SYTL5: variants seen among roughly 807,000 people sequenced by gnomAD.
SYTL5 encodes the protein synaptotagmin-like protein 5.
SYTL5 carries 34 observed loss-of-function variants against 55.9 expected under a neutral mutation model. The observed-to-expected ratio is 0.61, with a 90% CI of 0.46 to 0.81. SYTL5 has a LOEUF of 0.81. Ranked by LOEUF, SYTL5 falls within the 30% of genes least tolerant of loss-of-function variation. The pLI is 0.00. For missense variants in SYTL5, 637 were observed against 546.7 expected (o/e 1.17, Z -1.65); for synonymous variants, 221 against 188.7 (o/e 1.17, Z -1.40).
intron 9 of SYTL5, among the ~76,000 whole-genome samples, chrX:38,100,838 T>C (rs1228519333): frequency 2.7e-5 from 3 of 111,310 alleles, no homozygotes; most frequent in African/African-American, 9.8e-5. Flanking sequence ...ATATATACTG[T>C]GTTGTGTGTA....
the SYTL5 span, among the ~76,000 whole-genome samples, chrX:37,995,217 G>C: frequency 3.6e-5 from 4 of 111,319 alleles, no homozygotes; most frequent in East Asian, 1.1e-3. Context: ...CTGGGGCCTA[G>C]GGTGGAGCTG....
At chrX:37,950,006 A>G in the SYTL5 span, among the ~76,000 whole-genome samples, 1 of 111,585 alleles carries the variant, frequency 9.0e-6, no homozygotes, top group Non-Finnish European at 1.9e-5. Flanking sequence ...AATGTGAGTG[A>G]TTTGTATCCT....
At chrX:37,993,535 A>G in the SYTL5 span, among the ~76,000 whole-genome samples, 1 of 112,533 alleles carries the variant, frequency 8.9e-6, no homozygotes, top group African/African-American at 3.2e-5. Flanking sequence ...AACACCTATG[A>G]TATGGAAATG....
In SYTL5 at chrX:38,128,297, A is replaced by G. The variant is rs764452769; in HGVS notation, c.*1567A>G. On this transcript the variant is annotated 3_prime_UTR_variant, in exon 17 of 17. Transcript: ENST00000297875. ...CTTAGGCCAGTGTTCTTTTTTCAAT[A>G]TAGTCCTTGGCATAATGCTATGCTT... 9.0e-6 allele frequency: 1 copy of G among 111,649 alleles called. No homozygotes were observed. Among genetic ancestry groups the G allele is most frequent in the South Asian group, 3.8e-4 (1 of 2,637 alleles). 9.2% of individuals were successfully genotyped at this position (111,649 alleles called of 1,213,427 possible). A position where few individuals can be genotyped will look rare whatever the true frequency, so the allele number is the denominator to read the frequency against.
At position 38,127,806 on chromosome X, in the gene SYTL5, C is replaced by T. The variant is rs749744424; in HGVS notation, c.*1076C>T. The T allele has an allele frequency of 4.5e-5, 5 of 112,168 alleles. No individual in the cohort carries two copies. The highest frequency in any genetic ancestry group is 7.5e-5 in the Non-Finnish European group (4 of 53,219). 9.2% of individuals were successfully genotyped at this position (112,168 alleles called of 1,213,427 possible). A position where few individuals can be genotyped will look rare whatever the true frequency, so the allele number is the denominator to read the frequency against. On this transcript the variant is annotated 3_prime_UTR_variant, in exon 17 of 17. Transcript: ENST00000297875. ...GGCACCTCTGCTTCCTGCTATAGGC[C>T]TGAGGTTCTAGGGCTTCTTATGCCT...
the SYTL5 span, among the ~76,000 whole-genome samples, chrX:37,904,082 A>G: frequency 1.8e-5 from 2 of 111,223 alleles, no homozygotes; most frequent in African/African-American, 3.3e-5. Context: ...GAGTTGAATG[A>G]ATTAATGAAG....
chrX:37,922,365 G>A, the SYTL5 span, among the ~76,000 whole-genome samples: 6 of 111,562 alleles, frequency 5.4e-5, no homozygotes, highest in South Asian at 3.7e-4. Flanking sequence ...CCAAATATTC[G>A]GGAGAAAATC....
the SYTL5 span, among the ~76,000 whole-genome samples, chrX:37,991,745 A>G: frequency 3.6e-5 from 4 of 112,236 alleles, no homozygotes; most frequent in East Asian, 2.8e-4. Flanking sequence ...CATGAAGTTC[A>G]TGGGACAGGG....
chrX:38,024,166 A>G (rs1291974172), intron 1 of SYTL5, among the ~76,000 whole-genome samples: 1 of 110,493 alleles, frequency 9.1e-6, no homozygotes, highest in Non-Finnish European at 1.9e-5. Context: ...TAGCTCCCAC[A>G]ATCCCCACGT....
chrX:38,111,137 G>A (rs757518071), intron 13 of SYTL5, among the ~76,000 whole-genome samples: 12 of 111,871 alleles, frequency 1.1e-4, no homozygotes, highest in African/African-American at 3.9e-4. Flanking sequence ...GGTGAGTAAA[G>A]GTCACATTTA....
the SYTL5 span, among the ~76,000 whole-genome samples, chrX:37,925,027 C>G: frequency 9.1e-6 from 1 of 110,487 alleles, no homozygotes; most frequent in African/African-American, 3.3e-5. Flanking sequence ...TCCCCCTCCC[C>G]CTACCCTTCC....
At chrX:37,986,330 G>A in the SYTL5 span, among the ~76,000 whole-genome samples, 19,973 of 109,917 alleles carry the variant, frequency 0.18, 1,417 homozygotes, top group Middle Eastern at 0.29. Context: ...TGACTCTAAG[G>A]GGGTCCACAT....
the SYTL5 span, among the ~76,000 whole-genome samples, chrX:37,986,945 G>A: frequency 1.8e-5 from 2 of 111,291 alleles, no homozygotes; most frequent in East Asian, 2.8e-4. Context: ...GTATACATGC[G>A]CCATGTTGGT....
chrX:38,011,881 A>ATTT (rs56879270), intron 1 of SYTL5, among the ~76,000 whole-genome samples: 14 of 104,576 alleles, frequency 1.3e-4, no homozygotes, highest in South Asian at 8.3e-4. Flanking sequence ...GTTTAGTGGG[A>ATTT]TTTTTTTTTT....
At chrX:37,954,615 G>C in the SYTL5 span, among the ~76,000 whole-genome samples, 4 of 112,100 alleles carry the variant, frequency 3.6e-5, no homozygotes, top group Admixed American at 2.8e-4. Flanking sequence ...TTCAATTTCT[G>C]TTGTGATGAG....
chrX:37,939,814 T>C, the SYTL5 span: 1 of 111,219 alleles, frequency 9.0e-6, no homozygotes, highest in Non-Finnish European at 1.9e-5. Flanking sequence ...ATAAATTGGG[T>C]GTGTCTGCCC....
chrX:38,034,808 T>C (rs1206659423), intron 2 of SYTL5, among the ~76,000 whole-genome samples: 1 of 111,929 alleles, frequency 8.9e-6, no homozygotes, highest in Non-Finnish European at 1.9e-5. Flanking sequence ...GATTGGCTGC[T>C]GCCTGTACCG....
chrX:38,032,013 T>C (rs1934966906), intron 1 of SYTL5, among the ~76,000 whole-genome samples: 1 of 111,904 alleles, frequency 8.9e-6, no homozygotes, highest in African/African-American at 3.2e-5. Context: ...TGGTGTACAC[T>C]GTATAGAACA....
chrX:37,891,720 G>A, the SYTL5 span, among the ~76,000 whole-genome samples: 1 of 111,655 alleles, frequency 9.0e-6, no homozygotes, highest in Admixed American at 9.5e-5. Flanking sequence ...GATTTCATAT[G>A]AGTGTTTGTG....
Sources: allele counts gnomAD v4.1 joint callset (sites outside exome capture counted in the v4.1 genomes callset), GRCh38; gene constraint gnomAD v4.1.1; transcripts MANE v1.5; gene names NCBI Gene and HGNC (gene_info 2026-07-23, HGNC 2026-07-21).